Variants in ITGB5 observed in about 807,000 individuals in gnomAD.
ITGB5 encodes integrin subunit beta 5.
Under a neutral mutation model 84.8 loss-of-function variants are expected in ITGB5, and 38 were observed. The observed-to-expected ratio is 0.45, with a 90% CI of 0.35 to 0.59. The LOEUF is 0.59. ITGB5 is among the 20% of genes least tolerant of loss of function. ITGB5 has a pLI of 0.01. For missense variants in ITGB5, 905 were observed against 1,034.5 expected (o/e 0.87, Z 1.72); for synonymous variants, 393 against 414.4 (o/e 0.95, Z 0.63).
intron 10 of ITGB5, among the ~76,000 whole-genome samples, chr3:124,787,069 T>C (rs2064091825): frequency 6.6e-6 from 1 of 152,184 alleles, no homozygotes; most frequent in Admixed American, 6.5e-5. Flanking sequence ...CCTAGTACTT[T>C]CCTTTGCTTT....
Position 124,821,460 on chromosome 3 carries a change from C to T in ITGB5, c.795G>A (p.Trp265Ter). 1 of 1,614,206 alleles carries T rather than the reference C, an allele frequency of 6.2e-7. No individual in the cohort carries two copies. ...QAAVCKEKIGWRKDALHLLVF... is the reference protein window; with the variant it reads ...QAAVCKEKIG ...CCAGCAAATGCAGTGCATCCTTTCG[C>T]CAGCCAATCTTCTCCTGAAGGACAG... The change falls in exon 6 of 15, where the codon TGG becomes TGA. Residue 265 changes from tryptophan to a stop codon, truncating the protein, a stop_gained. Transcript: ENST00000296181. LOFTEE classifies it high-confidence loss of function.
At chr3:124,830,873 A>AGGCAAGAGAATTG (rs2064850336) in intron 5 of ITGB5, among the ~76,000 whole-genome samples, 1 of 152,116 alleles carries the variant, frequency 6.6e-6, no homozygotes, top group Non-Finnish European at 1.5e-5. Flanking sequence ...AATCCTAGCT[A>AGGCAAGAGAATTG]CTTGGGAGGC....
intron 13 of ITGB5, among the ~76,000 whole-genome samples, chr3:124,764,894 G>A (rs751751995): frequency 3.9e-5 from 6 of 152,248 alleles, no homozygotes; most frequent in African/African-American, 9.6e-5. Flanking sequence ...CATGGTTTCA[G>A]GAGCAGACTG....
At chr3:124,830,288 C>T (rs2064842379) in intron 5 of ITGB5, among the ~76,000 whole-genome samples, 1 of 152,220 alleles carries the variant, frequency 6.6e-6, no homozygotes, top group African/African-American at 2.4e-5. Context: ...TCCCTGGTCT[C>T]GGTCCCACCT....
intron 1 of ITGB5, among the ~76,000 whole-genome samples, chr3:124,886,678 G>A (rs1002423952): frequency 6.6e-6 from 1 of 151,914 alleles, no homozygotes; most frequent in African/African-American, 2.4e-5. Context: ...TCAGCAGGCC[G>A]GCCAGCCTGT....
intron 10 of ITGB5, among the ~76,000 whole-genome samples, chr3:124,784,729 G>C (rs2064055542): frequency 6.6e-6 from 1 of 152,254 alleles, no homozygotes; most frequent in African/African-American, 2.4e-5. Context: ...AAGAAACAGA[G>C]GTACTTCAGG....
At chr3:124,845,267 T>C (rs2065061985) in intron 4 of ITGB5, among the ~76,000 whole-genome samples, 1 of 152,194 alleles carries the variant, frequency 6.6e-6, no homozygotes, top group Admixed American at 6.5e-5. Flanking sequence ...ACCCCATCTC[T>C]ACTAAAAAAT....
chr3:124,831,733 C>T (rs114045708), intron 5 of ITGB5, among the ~76,000 whole-genome samples: 8,584 of 152,172 alleles, frequency 0.056, 330 homozygotes, highest in African/African-American at 0.099. Flanking sequence ...TAACAATTGT[C>T]CAAATGAAGA....
chr3:124,826,817 T>G (rs2064790360), intron 5 of ITGB5, among the ~76,000 whole-genome samples: 1 of 152,248 alleles, frequency 6.6e-6, no homozygotes, highest in East Asian at 1.9e-4. Context: ...TGGCTCAGCA[T>G]AAGAATAATA....
At chr3:124,772,782 T>C (rs2063865188) in intron 11 of ITGB5, among the ~76,000 whole-genome samples, 1 of 152,070 alleles carries the variant, frequency 6.6e-6, no homozygotes, top group African/African-American at 2.4e-5. Context: ...GTCTAGACAA[T>C]CTCTGCATTC....
At chr3:124,853,619 A>G (rs955226906) in intron 3 of ITGB5, among the ~76,000 whole-genome samples, 1 of 152,200 alleles carries the variant, frequency 6.6e-6, no homozygotes, top group Non-Finnish European at 1.5e-5. Flanking sequence ...TTTATTGCAG[A>G]AGCAATACCT....
At chr3:124,784,474 G>C (rs920520534) in intron 10 of ITGB5, among the ~76,000 whole-genome samples, 1 of 152,194 alleles carries the variant, frequency 6.6e-6, no homozygotes, top group Non-Finnish European at 1.5e-5. Context: ...CGCCAGTCTA[G>C]GAGAGACAGT....
At chr3:124,817,448 T>C (rs556089199) in intron 8 of ITGB5, among the ~76,000 whole-genome samples, 173 bp downstream of exon 8, 3 of 152,234 alleles carry the variant, frequency 2.0e-5, no homozygotes, top group Admixed American at 2.0e-4. Context: ...GATGGGTTTC[T>C]CCACCCTGAC....
chr3:124,803,474 T>C (rs2064347112), intron 9 of ITGB5, among the ~76,000 whole-genome samples: 1 of 152,204 alleles, frequency 6.6e-6, no homozygotes, highest in Non-Finnish European at 1.5e-5. Context: ...AAGGGGCACG[T>C]TGGACACGGC....
At chr3:124,775,384 TGGAG>T (rs2063911800) in intron 10 of ITGB5, among the ~76,000 whole-genome samples, 1 of 151,322 alleles carries the variant, frequency 6.6e-6, no homozygotes, top group African/African-American at 2.4e-5. Flanking sequence ...CTGTGTGTGT[TGGAG>T]TGTGTGTGTG....
At chr3:124,858,956 C>T (rs1161701283) in intron 3 of ITGB5, among the ~76,000 whole-genome samples, 1 of 152,138 alleles carries the variant, frequency 6.6e-6, no homozygotes, top group East Asian at 1.9e-4. Flanking sequence ...GAATTTAATG[C>T]TGCTGAACTG....
intron 4 of ITGB5, among the ~76,000 whole-genome samples, chr3:124,842,838 G>C (rs569112876): frequency 6.6e-6 from 1 of 152,240 alleles, no homozygotes; most frequent in East Asian, 1.9e-4. Flanking sequence ...TTCTGTAAAG[G>C]GGCAATCTTT....
At chr3:124,853,951 T>TA (rs2065190817) in intron 3 of ITGB5, among the ~76,000 whole-genome samples, 1 of 152,252 alleles carries the variant, frequency 6.6e-6, no homozygotes, top group Admixed American at 6.5e-5. Context: ...TTTAATAAAC[T>TA]ATTCTTAATT....
intron 3 of ITGB5, among the ~76,000 whole-genome samples, chr3:124,855,333 GAA>G (rs745537876): frequency 6.6e-6 from 1 of 152,014 alleles, no homozygotes; most frequent in South Asian, 2.1e-4. Flanking sequence ...ATAGATATAT[GAA>G]AAACCAACCC....
Sources: gnomAD v4.1 joint callset for allele counts (sites outside exome capture counted in the v4.1 genomes callset) on GRCh38, gnomAD v4.1.1 for gene constraint, MANE v1.5 for transcripts, NCBI Gene and HGNC (gene_info 2026-07-23, HGNC 2026-07-21) for gene names.